Variants in ATOH8 observed in about 807,000 individuals in gnomAD.
ATOH8 encodes the protein atonal bHLH transcription factor 8, also known as transcription factor ATOH8.
Under a neutral mutation model 21.2 loss-of-function variants are expected in ATOH8, and 9 were observed. The observed-to-expected ratio is 0.42, with a 90% CI of 0.26 to 0.74. The LOEUF is 0.74. ATOH8 is among the 30% of genes least tolerant of loss of function. The probability of loss-of-function intolerance (pLI) is 0.24; values close to 1 mark genes in which losing one functional copy is unlikely to be tolerated. For missense variants in ATOH8, 524 were observed against 470.9 expected, an observed-to-expected ratio of 1.11 and a Z score of -1.04; for synonymous variants, 253 against 224.0, an observed-to-expected ratio of 1.13 and a Z score of -1.16.
rs1679579119 is a variant in ATOH8 at position 85,754,008 on chromosome 2, C to T, written c.-182C>T. ...GCGACTTCAGATGACACTCTGAGCG[C>T]TCCGGGAACGGACAGCCCGGCGGCT... is the stretch of plus-strand genomic sequence containing the variant. On this transcript the variant is annotated 5_prime_UTR_variant, in exon 1 of 3. Transcript: ENST00000306279. 1.6e-6 allele frequency: 1 copy of T among 614,324 alleles called. No individual in the cohort carries two copies. Among genetic ancestry groups the T allele is most frequent in the Non-Finnish European group, 2.6e-6 (1 of 388,508 alleles). The allele number at this position is 614,324 out of a possible 1,614,324, so 38.1% of individuals were successfully genotyped here.
rs1679694527 is a variant in ATOH8, at chr2:85,756,336, G to A, written c.768+1379G>A. On this transcript the variant is annotated intron_variant, in intron 1 of 2. Coordinates refer to ENST00000306279, the MANE Select transcript of ATOH8 (RefSeq NM_032827.7). ...GTGTCTGCATCGCTGGGTAGAGGTGGCGGTGCGTGGGGGATCCTGCAACCC... is the reference window on the plus strand; with the variant it reads ...GTGTCTGCATCGCTGGGTAGAGGTGACGGTGCGTGGGGGATCCTGCAACCC... Among the ~76,000 whole-genome samples the A allele has an allele frequency of 2.6e-5, 4 of 152,278 alleles. No homozygotes were observed. The South Asian group carries it at 6.2e-4, about 24-fold the overall frequency.
chr2:85,754,746 G>T lies in ATOH8; in HGVS notation c.557G>T (p.Arg186Leu). 4 of 1,612,752 alleles carry T rather than the reference G, an allele frequency of 2.5e-6. No individual in the cohort carries two copies. The highest frequency in any genetic ancestry group is 3.4e-6 in the Non-Finnish European group (4 of 1,179,792). ...ESTVRPAPPT[R>L]PGESSYSSIS... ...ACTGTGCGCCCTGCGCCCCCGACGC[G>T]CCCCGGGGAAAGTTCCTACTCGTCA... Residue 186 changes from arginine (R) to leucine (L), a missense_variant, in exon 1 of 3, where the codon CGC (arginine) becomes CTC (leucine). Physicochemically the swap from Arg to Leu is moderately radical, Grantham distance 102. Transcript: ENST00000306279.
At chr2:85,769,174 C>A (rs909607870) in intron 2 of ATOH8, among the ~76,000 whole-genome samples, 3 of 152,232 alleles carry the variant, frequency 2.0e-5, no homozygotes, top group African/African-American at 7.2e-5. Context: ...AGGGCATTGT[C>A]TTCTAATGAT....
At chr2:85,782,534 A>T (rs1167945353) in intron 2 of ATOH8, among the ~76,000 whole-genome samples, 1 of 152,248 alleles carries the variant, frequency 6.6e-6, no homozygotes, top group Non-Finnish European at 1.5e-5. Flanking sequence ...AATTACCACA[A>T]CTTCCCTGAA....
Position 85,791,296 on chromosome 2 carries a change from C to T in ATOH8, c.*4406C>T, listed in dbSNP as rs144694746. Among the ~76,000 whole-genome samples, 12 of 152,344 alleles carry T rather than the reference C, an allele frequency of 7.9e-5. No homozygotes were observed. Among genetic ancestry groups the T allele is most frequent in the African/African-American group, 2.9e-4 (12 of 41,582 alleles). ...TCAAAGTTTGGATCTAATTCAACCC[C>T]TGATCCTCGAAACGGCTTTCTTGCA... is the stretch of plus-strand genomic sequence containing the variant. On this transcript the variant is annotated 3_prime_UTR_variant, in exon 3 of 3. Transcript: ENST00000306279.
intron 1 of ATOH8, among the ~76,000 whole-genome samples, chr2:85,761,398 G>C (rs565210790): frequency 5.9e-5 from 9 of 152,206 alleles, no homozygotes; most frequent in African/African-American, 2.2e-4. Flanking sequence ...GTTTCTTCTT[G>C]TTAGATCTGG....
rs1680755037 is a variant in ATOH8 at position 85,790,994 on chromosome 2, G to A, written c.*4104G>A. Among the ~76,000 whole-genome samples, 1 of 152,172 alleles carries A rather than the reference G, an allele frequency of 6.6e-6. No homozygotes were observed. The highest frequency in any genetic ancestry group is 2.4e-5 in the African/African-American group (1 of 41,440). ...ACCGTTGTTCTCGTCTTGCTCTCTTGCTGCCCTGCCACCTTCACAGCTGCT... is the reference window on the plus strand; with the variant it reads ...ACCGTTGTTCTCGTCTTGCTCTCTTACTGCCCTGCCACCTTCACAGCTGCT... On this transcript the variant is annotated 3_prime_UTR_variant, in exon 3 of 3. Transcript: ENST00000306279.
chr2:85,783,288 G>T (rs1229271650), intron 2 of ATOH8, among the ~76,000 whole-genome samples: 1 of 152,134 alleles, frequency 6.6e-6, no homozygotes, highest in African/African-American at 2.4e-5. Flanking sequence ...GGACATCTTC[G>T]GATGGGCACG....
chr2:85,765,146 A>G (rs1679976332), intron 2 of ATOH8, among the ~76,000 whole-genome samples: 1 of 152,208 alleles, frequency 6.6e-6, no homozygotes, highest in African/African-American at 2.4e-5. Context: ...AGGGAGAGCA[A>G]CAGAGAGTGG....
At chr2:85,775,069 G>A in intron 2 of ATOH8, 2 of 959,510 alleles carry the variant, frequency 2.1e-6, no homozygotes, top group South Asian at 4.8e-5. Flanking sequence ...ACTCTATTAT[G>A]TGATATATTA....
intron 2 of ATOH8, 134 bp downstream of exon 2, chr2:85,764,316 T>G: frequency 8.8e-7 from 1 of 1,130,310 alleles, no homozygotes. Flanking sequence ...TTGCTGGGAG[T>G]TGCCTCAGCT....
chr2:85,784,872 C>G (rs1573539879), intron 2 of ATOH8, among the ~76,000 whole-genome samples: 1 of 152,252 alleles, frequency 6.6e-6, no homozygotes, highest in African/African-American at 2.4e-5. Context: ...CTTCCCATTA[C>G]ATCCCAGTTG....
At chr2:85,760,622 AAGTGGAAGT>A (rs1279160110) in intron 1 of ATOH8, 1 of 152,212 alleles carries the variant, frequency 6.6e-6, no homozygotes, top group African/African-American at 2.4e-5. Flanking sequence ...CTTTTCTGTA[AAGTGGAAGT>A]GACCATTTCT....
rs1005557214 is a variant in ATOH8, at chr2:85,754,572, C to A, written c.383C>A (p.Pro128Gln). 2 of 1,441,156 alleles carry A rather than the reference C, an allele frequency of 1.4e-6. No individual in the cohort carries two copies. The highest frequency in any genetic ancestry group is 1.8e-6 in the Non-Finnish European group (2 of 1,108,674). 89.3% of individuals were successfully genotyped at this position (1,441,156 alleles called of 1,614,324 possible). ...GGACTCCCCACGCCGCCGCCGCCGC[C>A]GCCTCCTGCGCCCCAGAGCCAGGCA... ...GPGLPTPPPPPPPAPQSQAPG... is the reference protein window; with the variant it reads ...GPGLPTPPPPQPPAPQSQAPG... The change falls in exon 1 of 3, where the codon CCG becomes CAG. Residue 128 changes from proline (P) to glutamine (Q), a missense_variant. By Grantham distance (76) the Pro-to-Gln change is moderately conservative. Transcript: ENST00000306279.
In ATOH8 at chr2:85,767,454, G is replaced by A. The variant is rs145611217; in HGVS notation, c.960+3272G>A. Among the ~76,000 whole-genome samples, 194 of 151,630 alleles carry A rather than the reference G, an allele frequency of 1.3e-3. 1 individual carries two copies. Among genetic ancestry groups the A allele is most frequent in the African/African-American group, 4.5e-3 (187 of 41,296 alleles). On this transcript the variant is annotated intron_variant, in intron 2 of 2. Transcript: ENST00000306279. The stretch of plus-strand genomic sequence containing the variant: ...GGAGGAAGAGCCCCTCTTCCCCACC[G>A]TTCACCCTCTTCAGCAGTTGTCTAC...
chr2:85,754,088 AG>A lies in ATOH8; in HGVS notation c.-97del, dbSNP rs1433236744. The A allele has an allele frequency of 2.8e-5, 33 of 1,186,300 alleles. 1 individual carries two copies. The South Asian group carries it at 4.0e-4, about 15-fold the overall frequency. 73.5% of individuals were successfully genotyped at this position (1,186,300 alleles called of 1,614,324 possible). Reference sequence around the variant, plus strand: ...GCGAGGGGGAGAAAGGGAGAGAGGGAGGGGGAGGGCGGGCGAAGCGGGAGAG... The same window carrying A: ...GCGAGGGGGAGAAAGGGAGAGAGGGAGGGGAGGGCGGGCGAAGCGGGAGAG... On this transcript the variant is annotated 5_prime_UTR_variant, in exon 1 of 3. Coordinates refer to ENST00000306279, the MANE Select transcript of ATOH8 (RefSeq NM_032827.7).
intron 2 of ATOH8, among the ~76,000 whole-genome samples, chr2:85,770,241 C>G (rs1390456443): frequency 6.6e-6 from 1 of 152,156 alleles, no homozygotes; most frequent in African/African-American, 2.4e-5. Flanking sequence ...GCTCCCTGAG[C>G]CCAAGGAACT....
intron 2 of ATOH8, among the ~76,000 whole-genome samples, chr2:85,780,761 C>G (rs1680461012): frequency 6.6e-6 from 1 of 152,216 alleles, no homozygotes; most frequent in Non-Finnish European, 1.5e-5. Flanking sequence ...AGGCTCTGGC[C>G]ATAACTGAAA....
At chr2:85,767,580 T>TCCTTCCCTCCCCTGCCCTCG (rs1558611972) in intron 2 of ATOH8, among the ~76,000 whole-genome samples, 1 of 79,234 alleles carries the variant, frequency 1.3e-5, no homozygotes. Context: ...CCCTCCCCTC[T>TCCTTCCCTCCCCTGCCCTCG]CCTTCCCTTC....
Sources: allele counts gnomAD v4.1 joint callset (sites outside exome capture counted in the v4.1 genomes callset), GRCh38; gene constraint gnomAD v4.1.1; transcripts MANE v1.5; gene names NCBI Gene and HGNC (gene_info 2026-07-23, HGNC 2026-07-21).